Variants in MBTPS2 observed in about 807,000 individuals in gnomAD.
MBTPS2 encodes the protein membrane bound transcription factor peptidase, site 2.
MBTPS2 carries 2 observed loss-of-function variants against 35.4 expected under a neutral mutation model. That is an observed-to-expected ratio of 0.06 (90% CI 0.02 to 0.18). The LOEUF is 0.18. MBTPS2 is among the 10% of genes least tolerant of loss of function. The probability of loss-of-function intolerance (pLI) is 1.00; values close to 1 mark genes in which losing one functional copy is unlikely to be tolerated. For synonymous variants in MBTPS2, 125 were observed against 140.4 expected, an observed-to-expected ratio of 0.89 and a Z score of 0.77; for missense variants, 244 against 386.5, an observed-to-expected ratio of 0.63 and a Z score of 3.09.
rs144348623 is a variant in MBTPS2, at chrX:21,862,049, T to C, written c.671-6418T>C. On this transcript the variant is annotated intron_variant, in intron 5 of 10. Transcript: ENST00000379484. ...TAATTTGGGTACACAGGTTCTGTCT[T>C]GTTAGCTCTGCTATTCCCAACATGC... Among the ~76,000 whole-genome samples the C allele has an allele frequency of 3.6e-3, 401 of 111,580 alleles. 4 individuals are homozygous for C. In the East Asian group the frequency reaches 0.088, roughly 25 times the overall value.
intron 4 of MBTPS2, 35 bp downstream of exon 4, chrX:21,851,647 CAA>C (rs201560255): frequency 7.8e-6 from 7 of 899,228 alleles, no homozygotes; most frequent in Non-Finnish European, 9.7e-6. Context: ...GTACTACATG[CAA>C]AAAAAAGCTT....
chrX:21,872,476 C>T (rs759863972), intron 7 of MBTPS2: 13 of 106,343 alleles, frequency 1.2e-4, no homozygotes, highest in African/African-American at 4.1e-4. Context: ...TCTTTTTATA[C>T]TACAATCAAT....
At chrX:21,860,828 T>A (rs1351945548) in intron 5 of MBTPS2, among the ~76,000 whole-genome samples, 1 of 112,353 alleles carries the variant, frequency 8.9e-6, no homozygotes, top group African/African-American at 3.2e-5. Context: ...TTAGGTTTTT[T>A]AAATTTTGTT....
intron 7 of MBTPS2, among the ~76,000 whole-genome samples, chrX:21,877,745 C>T (rs972146432): frequency 1.8e-5 from 2 of 111,709 alleles, no homozygotes; most frequent in African/African-American, 6.5e-5. Context: ...CTTGACCAGC[C>T]AGACTTATTA....
chrX:21,856,163 A>G (rs1370716049), intron 5 of MBTPS2: 10 of 261,276 alleles, frequency 3.8e-5, no homozygotes, highest in Admixed American at 1.8e-4. Context: ...AGGGTGGCAA[A>G]CGTACGCGGG....
At chrX:21,864,314 A>G (rs1277859048) in intron 5 of MBTPS2, among the ~76,000 whole-genome samples, 1 of 109,962 alleles carries the variant, frequency 9.1e-6, no homozygotes, top group Non-Finnish European at 1.9e-5. Context: ...GCTCACTGCA[A>G]CCTCCGCCTC....
rs1047333907 is a variant in MBTPS2 at position 21,869,401 on chromosome X, C to T, written c.790-97C>T. The T allele has an allele frequency of 1.1e-5, 7 of 642,261 alleles. No homozygotes were observed. In the African/African-American group the frequency reaches 1.3e-4, roughly 12 times the overall value. The allele number at this position is 642,261 out of a possible 1,213,427, so 52.9% of individuals were successfully genotyped here. On this transcript the variant is annotated intron_variant, in intron 6 of 10. Coordinates refer to ENST00000379484, the MANE Select transcript of MBTPS2 (RefSeq NM_015884.4). ...AGCTGGATTATTTTCTGCATTCAAACTATTCACTTAATTAACTCAGTGTCT... is the reference window on the plus strand; with the variant it reads ...AGCTGGATTATTTTCTGCATTCAAATTATTCACTTAATTAACTCAGTGTCT...
intron 7 of MBTPS2, 85 bp downstream of exon 7, chrX:21,869,763 A>T (rs2092944936): frequency 2.6e-6 from 2 of 764,173 alleles, no homozygotes; most frequent in Non-Finnish European, 4.1e-6. Context: ...CTATACATTT[A>T]TTCTGTTCTA....
chrX:21,883,738 C>T lies in MBTPS2; in HGVS notation c.*1083C>T. On this transcript the variant is annotated 3_prime_UTR_variant, in exon 11 of 11. Coordinates refer to ENST00000379484, the MANE Select transcript of MBTPS2 (RefSeq NM_015884.4). ...CTCCTAAGCTACCTCTCTGGGTCCA[C>T]AGAAGACTTGGTAGTATAGTGAGAA... 1 of 753,655 alleles carries T rather than the reference C, an allele frequency of 1.3e-6. No homozygotes were observed. Among genetic ancestry groups the T allele is most frequent in the South Asian group, 6.7e-5 (1 of 14,821 alleles). 62.1% of individuals were successfully genotyped at this position (753,655 alleles called of 1,213,427 possible).
Position 21,857,519 on chromosome X carries a change from C to T in MBTPS2, c.670+4016C>T, listed in dbSNP as rs765612652. 5.8e-6 allele frequency: 7 copies of T among 1,210,421 alleles called. No individual in the cohort carries two copies. The East Asian group carries it at 1.8e-4, about 31-fold the overall frequency. ...GCGATAAGCCCTTCGTGTGCCCCTT[C>T]GATGTTTGCAACAGGAAGTTCGCTC... On this transcript the variant is annotated intron_variant, in intron 5 of 10. Coordinates refer to ENST00000379484, the MANE Select transcript of MBTPS2 (RefSeq NM_015884.4).
chrX:21,873,999 G>GTATATA (rs778982740), intron 7 of MBTPS2, among the ~76,000 whole-genome samples: 2,322 of 62,639 alleles, frequency 0.037, 56 homozygotes, highest in Non-Finnish European at 0.052. Context: ...GTGTGTGTGT[G>GTATATA]TGTATATATA....
chrX:21,840,996 A>G (rs1178171257), intron 1 of MBTPS2, among the ~76,000 whole-genome samples: 1 of 112,322 alleles, frequency 8.9e-6, no homozygotes, highest in Non-Finnish European at 1.9e-5. Context: ...TTCAAGGACC[A>G]GTAGCACTTG....
At chrX:21,880,014 C>T (rs1047605201) in intron 9 of MBTPS2, among the ~76,000 whole-genome samples, 2 of 90,580 alleles carry the variant, frequency 2.2e-5, no homozygotes, top group East Asian at 3.4e-4. Context: ...AGTGCAATGG[C>T]GCAATCTCGG....
chrX:21,843,396 T>A, intron 2 of MBTPS2, 78 bp downstream of exon 2: 1 of 1,015,708 alleles, frequency 9.8e-7, no homozygotes. Flanking sequence ...ATTAACTATT[T>A]CCATTACTTT....
intron 5 of MBTPS2, chrX:21,857,724 C>T (rs1490330079): frequency 2.8e-5 from 23 of 817,103 alleles, no homozygotes; most frequent in Non-Finnish European, 3.6e-5. Context: ...GAATCCTGCA[C>T]ATTTAAGGTT....
At chrX:21,881,062 C>G (rs1224654325) in intron 10 of MBTPS2, 90 bp downstream of exon 10, 1 of 629,617 alleles carries the variant, frequency 1.6e-6, no homozygotes. Context: ...AAATATAGAC[C>G]TCACAAGTAT....
chrX:21,849,004 A>T (rs1483806543), intron 3 of MBTPS2, among the ~76,000 whole-genome samples: 3 of 112,269 alleles, frequency 2.7e-5, no homozygotes, highest in African/African-American at 9.7e-5. Flanking sequence ...ATGTAACAGT[A>T]ACACCTTTAT....
rs181840233 is a variant in MBTPS2 at position 21,883,576 on chromosome X, A to T, written c.*921A>T. 9 of 752,230 alleles carry T rather than the reference A, an allele frequency of 1.2e-5. No homozygotes were observed. In the East Asian group the frequency reaches 1.2e-3, roughly 102 times the overall value. 62.0% of individuals were successfully genotyped at this position (752,230 alleles called of 1,213,427 possible). On this transcript the variant is annotated 3_prime_UTR_variant, in exon 11 of 11. Transcript: ENST00000379484. ...CATTTTCTCTTGTGCTGCTCAGGAC[A>T]TCTGGGGCCTAGCTCCTGGGTTCCT...
rs2092921764 is a variant in MBTPS2, at chrX:21,856,324, TTTCTCTGCAGCTCGCGCC to T, written c.670+2824_670+2841del. On this transcript the variant is annotated intron_variant, in intron 5 of 10. Coordinates refer to ENST00000379484, the MANE Select transcript of MBTPS2 (RefSeq NM_015884.4). The stretch of plus-strand genomic sequence containing the variant: ...CGCGCCTTTCTCTGCAGCTCGCGCC[TTTCTCTGCAGCTCGCGCC>T]TTTCTCTGCAGCTCGCGCCTTTCTC... The T allele has an allele frequency of 1.0e-5, 5 of 482,036 alleles. No homozygotes were observed. In the Admixed American group the frequency reaches 1.0e-4, roughly 10 times the overall value. The allele number at this position is 482,036 out of a possible 1,213,427, so 39.7% of individuals were successfully genotyped here.
Sources: allele counts gnomAD v4.1 joint callset (sites outside exome capture counted in the v4.1 genomes callset), GRCh38; gene constraint gnomAD v4.1.1; transcripts MANE v1.5; gene names NCBI Gene and HGNC (gene_info 2026-07-23, HGNC 2026-07-21).